The following ZWILCH variants were observed in gnomAD, a reference collection of about 807,000 sequenced individuals.
The protein encoded by ZWILCH is zwilch kinetochore protein.
In ZWILCH, 74 loss-of-function variants were observed where a neutral mutation model predicts 79.9. The ratio of observed to expected loss-of-function variants is 0.93; its 90% confidence interval spans 0.77 to 1.12. The LOEUF (loss-of-function observed/expected upper bound fraction) is 1.12, where lower values mean the gene tolerates loss of function less well. Ranked by LOEUF, ZWILCH falls within the 50% of genes most tolerant of loss-of-function variation. The pLI, the probability that ZWILCH is intolerant of heterozygous loss-of-function variation, is 0.00. For missense variants in ZWILCH, 694 were observed against 687.5 expected (o/e 1.01, Z -0.11); for synonymous variants, 241 against 228.2 (o/e 1.06, Z -0.51).
intron 17 of ZWILCH, among the ~76,000 whole-genome samples, chr15:66,546,094 T>A (rs1319973517): frequency 6.6e-6 from 1 of 152,160 alleles, no homozygotes; most frequent in Non-Finnish European, 1.5e-5. Context: ...TTGTTGATAA[T>A]GATGAAAATA....
intron 5 of ZWILCH, 63 bp downstream of exon 5, chr15:66,519,141 G>GT (rs1894400158): frequency 3.9e-6 from 6 of 1,525,940 alleles, no homozygotes; most frequent in Middle Eastern, 3.6e-4. Context: ...ATTGTTTCAT[G>GT]TTTTTTTACG....
intron 1 of ZWILCH, among the ~76,000 whole-genome samples, chr15:66,507,177 A>G (rs1893860302): frequency 1.3e-5 from 2 of 152,156 alleles, no homozygotes; most frequent in Admixed American, 6.5e-5. Context: ...AACCCTTTAT[A>G]CTTCACATAG....
At chr15:66,509,683 T>C (rs1893958148) in intron 2 of ZWILCH, among the ~76,000 whole-genome samples, 1 of 145,510 alleles carries the variant, frequency 6.9e-6, no homozygotes, top group African/African-American at 2.5e-5. Context: ...AAACTCTCCA[T>C]ACTTGGGGAG....
chr15:66,550,039 A>T lies in ZWILCH; in HGVS notation c.*1715A>T, dbSNP rs759102305. The stretch of plus-strand genomic sequence containing the variant: ...GGAAAACATTGAAATATACTGACTC[A>T]CCTGCAGCAAGCATCTGATTGTTGA... On this transcript the variant is annotated 3_prime_UTR_variant, in exon 19 of 19. Coordinates refer to ENST00000307897, the MANE Select transcript of ZWILCH (RefSeq NM_017975.5). The T allele has an allele frequency of 2.5e-6, 4 of 1,594,340 alleles. No homozygotes were observed. The highest frequency in any genetic ancestry group is 2.3e-5 in the East Asian group (1 of 44,304).
At chr15:66,511,660 A>G (rs1251071112) in intron 2 of ZWILCH, among the ~76,000 whole-genome samples, 1 of 150,928 alleles carries the variant, frequency 6.6e-6, no homozygotes, top group East Asian at 2.0e-4. Flanking sequence ...TCTGTCATCC[A>G]GGCTGGAGTG....
chr15:66,520,952 C>CTTT, intron 6 of ZWILCH, 98 bp from the exon 7 acceptor site: 1 of 1,394,778 alleles, frequency 7.2e-7, no homozygotes, highest in Non-Finnish European at 9.8e-7. Flanking sequence ...CGTGTGTGCT[C>CTTT]TTTTTTCTTT....
intron 2 of ZWILCH, among the ~76,000 whole-genome samples, chr15:66,509,824 T>G (rs1320269953): frequency 2.6e-3 from 3 of 1,160 alleles, no homozygotes; most frequent in Non-Finnish European, 0.011. Context: ...TGTGGCTACA[T>G]ATATATATAT....
At chr15:66,516,796 G>A (rs947382127) in intron 4 of ZWILCH, among the ~76,000 whole-genome samples, 5 of 152,190 alleles carry the variant, frequency 3.3e-5, no homozygotes, top group African/African-American at 1.2e-4. Context: ...ATGAGCCACT[G>A]CGCCCAGCCT....
At chr15:66,512,447 G>T (rs575699248) in intron 2 of ZWILCH, among the ~76,000 whole-genome samples, 12 of 151,262 alleles carry the variant, frequency 7.9e-5, no homozygotes, top group African/African-American at 2.9e-4. Context: ...AAGAGACATG[G>T]TCTTGCTGTG....
In ZWILCH at chr15:66,549,819, G is replaced by A; in HGVS notation, c.*1495G>A. 2.6e-6 allele frequency: 1 copy of A among 379,850 alleles called. No individual in the cohort carries two copies. The highest frequency in any genetic ancestry group is 4.7e-6 in the Non-Finnish European group (1 of 212,074). 23.5% of individuals were successfully genotyped at this position (379,850 alleles called of 1,614,324 possible). A position where few individuals can be genotyped will look rare whatever the true frequency, so the allele number is the denominator to read the frequency against. ...GTATGATTCTGAAAGAATAAAACTT[G>A]AATGGATAAAATGGATAAAATGTTT... On this transcript the variant is annotated 3_prime_UTR_variant, in exon 19 of 19. Transcript: ENST00000307897.
At chr15:66,521,608 G>A (rs1272728401) in intron 7 of ZWILCH, among the ~76,000 whole-genome samples, 1 of 151,986 alleles carries the variant, frequency 6.6e-6, no homozygotes, top group Non-Finnish European at 1.5e-5. Context: ...CAGTCCTCCC[G>A]CCTCAGCCTC....
intron 15 of ZWILCH, 132 bp downstream of exon 15, chr15:66,536,201 A>C (rs1254232991): frequency 1.5e-6 from 1 of 681,670 alleles, no homozygotes; most frequent in Non-Finnish European, 2.2e-6. Context: ...AGCATGCATG[A>C]GTCTAAGTCA....
intron 2 of ZWILCH, among the ~76,000 whole-genome samples, chr15:66,513,102 T>C (rs1555423832): frequency 1.3e-5 from 2 of 152,008 alleles, no homozygotes; most frequent in Non-Finnish European, 2.9e-5. Flanking sequence ...GCCTAATTTT[T>C]GTATTTTTAG....
chr15:66,545,659 C>T (rs901808222), intron 17 of ZWILCH, among the ~76,000 whole-genome samples: 23 of 152,130 alleles, frequency 1.5e-4, no homozygotes, highest in Non-Finnish European at 3.2e-4. Context: ...AACTTTATAA[C>T]CTCTTGTAGC....
chr15:66,506,230 CGCTT>C (rs1893811192), intron 1 of ZWILCH, among the ~76,000 whole-genome samples: 1 of 151,992 alleles, frequency 6.6e-6, no homozygotes, highest in South Asian at 2.1e-4. Context: ...AAAGTAGTGA[CGCTT>C]GTAAACGTTT....
At chr15:66,507,154 C>T (rs1893859243) in intron 1 of ZWILCH, among the ~76,000 whole-genome samples, 1 of 152,212 alleles carries the variant, frequency 6.6e-6, no homozygotes, top group African/African-American at 2.4e-5. Context: ...AGCCATCGTG[C>T]CCGGCCCATT....
Position 66,505,430 on chromosome 15 carries a change from A to G in ZWILCH, c.53+39A>G, listed in dbSNP as rs1893774822. 3.1e-6 allele frequency: 5 copies of G among 1,610,992 alleles called. No homozygotes were observed. The East Asian group carries it at 6.7e-5, about 22-fold the overall frequency. On this transcript the variant is annotated intron_variant, in intron 1 of 18. Coordinates refer to ENST00000307897, the MANE Select transcript of ZWILCH (RefSeq NM_017975.5). ...CTTCTTTTGGCTGGGGTCCTGGGAC[A>G]GCACTTCTTTCCCTGGGTGTCTGGA...
intron 2 of ZWILCH, among the ~76,000 whole-genome samples, chr15:66,512,099 AATATC>A (rs1894087944): frequency 6.6e-6 from 1 of 152,214 alleles, no homozygotes; most frequent in African/African-American, 2.4e-5. Context: ...AAACTACTAA[AATATC>A]ATATAATATG....
At chr15:66,505,475 G>C (rs1893776622) in intron 1 of ZWILCH, 84 bp downstream of exon 1, 2 of 1,527,556 alleles carry the variant, frequency 1.3e-6, no homozygotes, top group African/African-American at 1.4e-5. Context: ...TAAGCCTCTT[G>C]CCACTCTGGG....
Sources: allele counts gnomAD v4.1 joint callset (sites outside exome capture counted in the v4.1 genomes callset), GRCh38; gene constraint gnomAD v4.1.1; transcripts MANE v1.5; gene names NCBI Gene and HGNC (gene_info 2026-07-23, HGNC 2026-07-21).